Variants in CAPZA1 observed in about 807,000 individuals in gnomAD.
CAPZA1 encodes F-actin-capping protein subunit alpha-1.
CAPZA1 carries 10 observed loss-of-function variants against 40.8 expected under a neutral mutation model. The observed-to-expected ratio is 0.25, with a 90% CI of 0.15 to 0.42. The LOEUF is 0.42. Among genes scored for constraint, CAPZA1 ranks in the 10% least tolerant of loss-of-function variants. CAPZA1 has a pLI of 1.00. For synonymous variants in CAPZA1, 98 were observed against 115.0 expected, an observed-to-expected ratio of 0.85 and a Z score of 0.95; for missense variants, 277 against 353.8, an observed-to-expected ratio of 0.78 and a Z score of 1.74.
chr1:112,656,250 A>G (rs1437254769), intron 5 of CAPZA1, among the ~76,000 whole-genome samples: 1 of 152,200 alleles, frequency 6.6e-6, no homozygotes, highest in Non-Finnish European at 1.5e-5. Flanking sequence ...GACCTTAGGT[A>G]AATTACTTAA....
intron 1 of CAPZA1, chr1:112,626,168 A>T (rs1354562458): frequency 6.6e-6 from 1 of 152,178 alleles, no homozygotes; most frequent in African/African-American, 2.4e-5. Context: ...AAGGGGTAGA[A>T]TTGAACCTGA....
rs1436218236 is a variant in CAPZA1 at position 112,659,698 on chromosome 1, T to C, written c.507-3T>C. On this transcript the variant is annotated splice_polypyrimidine_tract_variant and splice_region_variant and intron_variant, in intron 6 of 9. Coordinates refer to ENST00000263168, the MANE Select transcript of CAPZA1 (RefSeq NM_006135.3). ...CTGCAATGTTGTGTGTGTGTTTTAA[T>C]AGGAATGGTCGTTGGAGATCAGAGT... is the stretch of plus-strand genomic sequence containing the variant. 3.1e-6 allele frequency: 5 copies of C among 1,611,624 alleles called. No individual in the cohort carries two copies. The highest frequency in any genetic ancestry group is 4.2e-6 in the Non-Finnish European group (5 of 1,178,830).
At chr1:112,640,397 T>C (rs1252741366) in intron 1 of CAPZA1, among the ~76,000 whole-genome samples, 2 of 107,590 alleles carry the variant, frequency 1.9e-5, no homozygotes, top group African/African-American at 7.5e-5. Flanking sequence ...AGCCGCCCCG[T>C]CCGGGAGGTG....
At chr1:112,641,046 C>G (rs1215051955) in intron 1 of CAPZA1, among the ~76,000 whole-genome samples, 2 of 151,994 alleles carry the variant, frequency 1.3e-5, no homozygotes, top group Non-Finnish European at 2.9e-5. Flanking sequence ...GAGTCATCAC[C>G]ACTCCCCAAT....
intron 1 of CAPZA1, among the ~76,000 whole-genome samples, chr1:112,639,675 C>T (rs558304213): frequency 6.6e-6 from 1 of 152,002 alleles, no homozygotes; most frequent in African/African-American, 2.4e-5. Context: ...TAGCTTTTAT[C>T]TTTCTTTATT....
At chr1:112,630,527 T>G (rs1557727223) in intron 1 of CAPZA1, among the ~76,000 whole-genome samples, 1 of 152,026 alleles carries the variant, frequency 6.6e-6, no homozygotes, top group Non-Finnish European at 1.5e-5. Flanking sequence ...GTATTTTTAG[T>G]AGAGACGGGG....
chr1:112,669,916 G>A, intron 9 of CAPZA1, 76 bp from the exon 10 acceptor site: 1 of 1,519,446 alleles, frequency 6.6e-7, no homozygotes, highest in Non-Finnish European at 9.1e-7. Flanking sequence ...CATATCCATT[G>A]ACTATAGCAT....
At chr1:112,649,700 G>T in intron 3 of CAPZA1, 1 of 530,268 alleles carries the variant, frequency 1.9e-6, no homozygotes, top group Non-Finnish European at 3.3e-6. Context: ...GCCCACATTT[G>T]CCCGATTAAA....
intron 7 of CAPZA1, among the ~76,000 whole-genome samples, chr1:112,662,525 A>C (rs1330973350): frequency 6.7e-6 from 1 of 148,762 alleles, no homozygotes; most frequent in East Asian, 2.0e-4. Flanking sequence ...CAGCCTCCTG[A>C]GTAGCTGGTA....
chr1:112,661,769 C>T (rs930306105), intron 7 of CAPZA1, among the ~76,000 whole-genome samples: 6 of 152,178 alleles, frequency 3.9e-5, no homozygotes, highest in African/African-American at 1.4e-4. Context: ...AAAATAAGAG[C>T]ACACATCACA....
At chr1:112,622,673 G>C (rs1400533239) in intron 1 of CAPZA1, among the ~76,000 whole-genome samples, 2 of 152,128 alleles carry the variant, frequency 1.3e-5, no homozygotes, top group East Asian at 3.8e-4. Flanking sequence ...TAATTGAGAA[G>C]TCATGCTTTC....
Position 112,623,397 on chromosome 1 carries a change from C to T in CAPZA1, c.39+3514C>T, listed in dbSNP as rs116314296. ...TATAATCTGTTAAGACATCCTAGGA[C>T]AGGCCGGGCCCAGTGGCTCACGCCT... is the stretch of plus-strand genomic sequence containing the variant. On this transcript the variant is annotated intron_variant, in intron 1 of 9. Coordinates refer to ENST00000263168, the MANE Select transcript of CAPZA1 (RefSeq NM_006135.3). 1.4e-3 allele frequency among the ~76,000 whole-genome samples: 218 copies of T among 152,238 alleles called. 1 individual carries two copies. Among genetic ancestry groups the T allele is most frequent in the African/African-American group, 4.9e-3 (205 of 41,542 alleles).
At chr1:112,621,288 ATT>A (rs58049077) in intron 1 of CAPZA1, among the ~76,000 whole-genome samples, 76,340 of 148,386 alleles carry the variant, frequency 0.51, 19,735 homozygotes, top group South Asian at 0.64. Context: ...CAACTAAACA[ATT>A]TTTTTTTTTT....
intron 1 of CAPZA1, among the ~76,000 whole-genome samples, chr1:112,637,731 G>A (rs1347180642): frequency 1.3e-5 from 2 of 152,184 alleles, no homozygotes; most frequent in East Asian, 1.9e-4. Flanking sequence ...GGGATTACAG[G>A]TGTGAGCTGC....
At chr1:112,626,316 C>G (rs539117864) in intron 1 of CAPZA1, 1 of 151,972 alleles carries the variant, frequency 6.6e-6, no homozygotes, top group Non-Finnish European at 1.5e-5. Flanking sequence ...AAAATTTGCT[C>G]TGTTTGTTGG....
At position 112,649,761 on chromosome 1, in the gene CAPZA1, G is replaced by A. The variant is rs554646824; in HGVS notation, c.155+292G>A. The A allele has an allele frequency of 8.7e-5, 34 of 391,908 alleles. No homozygotes were observed. The East Asian group carries it at 1.1e-3, about 12-fold the overall frequency. The allele number at this position is 391,908 out of a possible 1,614,324, so 24.3% of individuals were successfully genotyped here. A position where few individuals can be genotyped will look rare whatever the true frequency, so the allele number is the denominator to read the frequency against. On this transcript the variant is annotated intron_variant, in intron 3 of 9. Transcript: ENST00000263168. ...TTTTCCTTTATAGTTGTTCTAGTTC[G>A]TGTTGAATTTTTTTAAACAGCTAGC... is the stretch of plus-strand genomic sequence containing the variant.
At chr1:112,629,023 G>A (rs1363287854) in intron 1 of CAPZA1, among the ~76,000 whole-genome samples, 2 of 152,150 alleles carry the variant, frequency 1.3e-5, no homozygotes, top group African/African-American at 2.4e-5. Flanking sequence ...GTCTGTCCTC[G>A]ATGAAGCATC....
chr1:112,650,760 T>A (rs1423195085), intron 3 of CAPZA1, among the ~76,000 whole-genome samples: 1 of 152,240 alleles, frequency 6.6e-6, no homozygotes, highest in African/African-American at 2.4e-5. Context: ...TAAGTGTCAT[T>A]GCAACCTAAA....
intron 8 of CAPZA1, among the ~76,000 whole-genome samples, chr1:112,668,021 C>T (rs924118092): frequency 6.6e-6 from 1 of 152,008 alleles, no homozygotes; most frequent in African/African-American, 2.4e-5. Flanking sequence ...AGTGGTGGCT[C>T]ACACCTGTAA....
Sources: gnomAD v4.1 joint callset for allele counts (sites outside exome capture counted in the v4.1 genomes callset) on GRCh38, gnomAD v4.1.1 for gene constraint, MANE v1.5 for transcripts, NCBI Gene and HGNC (gene_info 2026-07-23, HGNC 2026-07-21) for gene names.